MEGF6: variants seen among roughly 807,000 people sequenced by gnomAD.
MEGF6 encodes multiple epidermal growth factor-like domains protein 6.
A neutral mutation model predicts 207.1 loss-of-function variants in MEGF6; 184 were observed. That is an observed-to-expected ratio of 0.89 (90% CI 0.79 to 1.00). The LOEUF (loss-of-function observed/expected upper bound fraction) is 1.00. Among genes scored for constraint, MEGF6 ranks in the 50% least tolerant of loss-of-function variants. The probability of loss-of-function intolerance (pLI) is 0.00; values close to 1 mark genes in which losing one functional copy is unlikely to be tolerated. For synonymous variants in MEGF6, 1,038 were observed against 910.0 expected (o/e 1.14, Z -2.53); for missense variants, 2,282 against 2,202.9 (o/e 1.04, Z -0.72).
chr1:3,542,359 T>C (rs1642555842), intron 4 of MEGF6, among the ~76,000 whole-genome samples: 1 of 152,212 alleles, frequency 6.6e-6, no homozygotes, highest in Non-Finnish European at 1.5e-5. Flanking sequence ...ACCCATTTTA[T>C]AGGTGGGAAT....
At chr1:3,616,867 T>C in the MEGF6 span, among the ~76,000 whole-genome samples, 1 of 152,204 alleles carries the variant, frequency 6.6e-6, no homozygotes, top group African/African-American at 2.4e-5. Context: ...CTGGCTGGGA[T>C]GTCTTCCTTC....
chr1:3,571,920 A>G (rs187780142), intron 4 of MEGF6, among the ~76,000 whole-genome samples: 1,425 of 58,424 alleles, frequency 0.024, 30 homozygotes, highest in African/African-American at 0.085. Context: ...TGGGTCCTTC[A>G]GGGTGTACTG....
rs777293127 is a variant in MEGF6, at chr1:3,505,354, G to A, written c.2054-12C>T. 11 of 1,609,362 alleles carry A rather than the reference G, an allele frequency of 6.8e-6. No homozygotes were observed. In the African/African-American group the frequency reaches 1.3e-4, roughly 20 times the overall value. ...GCCCAGCTCACACTCTGCAGGGCGT[G>A]AGAGAGGGGTGGGTGGGGTTAACCG... On this transcript the variant is annotated splice_polypyrimidine_tract_variant and intron_variant, in intron 16 of 36. Coordinates refer to ENST00000356575, the MANE Select transcript of MEGF6 (RefSeq NM_001409.4).
intron 4 of MEGF6, among the ~76,000 whole-genome samples, chr1:3,529,228 C>A (rs1483094347): frequency 6.6e-6 from 1 of 152,206 alleles, no homozygotes; most frequent in Non-Finnish European, 1.5e-5. Flanking sequence ...GAAGCACTGG[C>A]CCCCGAGACT....
rs944932210 is a variant in MEGF6, at chr1:3,514,536, G to A, written c.853+14C>T. 1 of 1,585,844 alleles carries A rather than the reference G, an allele frequency of 6.3e-7. No homozygotes were observed. Among genetic ancestry groups the A allele is most frequent in the Non-Finnish European group, 8.5e-7 (1 of 1,169,740 alleles). On this transcript the variant is annotated intron_variant, in intron 7 of 36. Coordinates refer to ENST00000356575, the MANE Select transcript of MEGF6 (RefSeq NM_001409.4). ...TGACCCTGGGCGGGGCGGAGCAGGG[G>A]AGGGGCGTCCTACCTTCACAGGCCT...
rs775334325 is a variant in MEGF6 at position 3,494,632 on chromosome 1, C to T, written c.3981G>A (p.Thr1327=). The change falls in exon 31 of 37, where the codon ACG becomes ACA. Residue 1327 remains threonine (T), a synonymous_variant. Coordinates refer to ENST00000356575, the MANE Select transcript of MEGF6 (RefSeq NM_001409.4). ...NGSCSCGLGW[T]GRHCELACPP... ...ACTCACCCAGCTCGCAGTGCCGCCCCGTCCAGCCCAGGCCACAGGAGCAGC... is the reference window on the plus strand; with the variant it reads ...ACTCACCCAGCTCGCAGTGCCGCCCTGTCCAGCCCAGGCCACAGGAGCAGC... 15 of 1,562,764 alleles carry T rather than the reference C, an allele frequency of 9.6e-6. No homozygotes were observed. Among genetic ancestry groups the T allele is most frequent in the African/African-American group, 8.1e-5 (6 of 73,678 alleles).
the MEGF6 span, among the ~76,000 whole-genome samples, chr1:3,622,065 G>C: frequency 6.6e-6 from 1 of 152,216 alleles, no homozygotes; most frequent in East Asian, 1.9e-4. Context: ...TTGAGTTAAT[G>C]CTGAAATAAG....
chr1:3,497,336 C>A lies in MEGF6; in HGVS notation c.3378G>T (p.Glu1126Asp). 6.4e-7 allele frequency: 1 copy of A among 1,550,872 alleles called. No individual in the cohort carries two copies. The highest frequency in any genetic ancestry group is 8.7e-7 in the Non-Finnish European group (1 of 1,153,682). Reference sequence around the variant, plus strand: ...GGCAGCTGCAGCGCTGGGCACAGGCCTCTCCAAACCAGCCCCGCAGGCAGG... The same window carrying A: ...GGCAGCTGCAGCGCTGGGCACAGGCATCTCCAAACCAGCCCCGCAGGCAGG... Reference protein sequence around the residue: ...QSPCLRGWFGEACAQRCSCPP... With the variant: ...QSPCLRGWFGDACAQRCSCPP... The change falls in exon 27 of 37, where the codon GAG (glutamate) becomes GAT (aspartate). Residue 1126 changes from glutamate (E) to aspartate (D), a missense_variant. By Grantham distance (45) the Glu-to-Asp change is conservative (BLOSUM62 2). Transcript: ENST00000356575.
At chr1:3,508,903 G>A (rs939011282) in intron 12 of MEGF6, among the ~76,000 whole-genome samples, 172 bp downstream of exon 12, 1 of 152,192 alleles carries the variant, frequency 6.6e-6, no homozygotes, top group Non-Finnish European at 1.5e-5. Flanking sequence ...CAGCCCGCAC[G>A]AGCTGCGCAA....
chr1:3,521,866 G>A (rs555043968), intron 5 of MEGF6, among the ~76,000 whole-genome samples: 4 of 152,318 alleles, frequency 2.6e-5, no homozygotes, highest in Non-Finnish European at 5.9e-5. Context: ...CCAGGAAGGG[G>A]GTCTGGATGG....
At chr1:3,529,554 C>T (rs530770758) in intron 4 of MEGF6, among the ~76,000 whole-genome samples, 9 of 152,336 alleles carry the variant, frequency 5.9e-5, no homozygotes, top group South Asian at 2.1e-4. Flanking sequence ...CGGCTAGATA[C>T]GAGACTATGG....
chr1:3,508,713 G>T (rs775511793), intron 12 of MEGF6, 24 bp from the exon 13 acceptor site: 4 of 1,610,552 alleles, frequency 2.5e-6, no homozygotes, highest in Non-Finnish European at 3.4e-6. Flanking sequence ...AGGATGGGGG[G>T]ATTCAGAGCC....
At chr1:3,490,707 G>A (rs995434100) in intron 36 of MEGF6, 118 bp from the exon 37 acceptor site, 22 of 1,057,602 alleles carry the variant, frequency 2.1e-5, no homozygotes, top group Admixed American at 1.2e-4. Flanking sequence ...CAGCCCAGCA[G>A]GTGGGTGGGG....
In MEGF6 at chr1:3,611,119, C is replaced by T. The variant is rs1041365761; in HGVS notation, c.131+19G>A. The T allele has an allele frequency of 1.3e-6, 2 of 1,492,304 alleles. No homozygotes were observed. The highest frequency in any genetic ancestry group is 2.2e-5 in the Admixed American group (1 of 44,576). The allele number at this position is 1,492,304 out of a possible 1,614,324, so 92.4% of individuals were successfully genotyped here. A position where few individuals can be genotyped will look rare whatever the true frequency, so the allele number is the denominator to read the frequency against. ...GTCCCTGGACGACCGGCCGAGCCCTCCCAGCTCCTGCTACTCACATGCCGG... is the reference window on the plus strand; with the variant it reads ...GTCCCTGGACGACCGGCCGAGCCCTTCCAGCTCCTGCTACTCACATGCCGG... On this transcript the variant is annotated intron_variant, in intron 1 of 36. Transcript: ENST00000356575.
intron 11 of MEGF6, 78 bp from the exon 12 acceptor site, chr1:3,509,323 G>A: frequency 2.3e-6 from 3 of 1,310,278 alleles, no homozygotes; most frequent in East Asian, 3.0e-5. Context: ...GTAGGGCTGG[G>A]CCTAAGCCCC....
intron 4 of MEGF6, among the ~76,000 whole-genome samples, chr1:3,577,824 A>C (rs1184711146): frequency 6.6e-6 from 1 of 152,180 alleles, no homozygotes; most frequent in East Asian, 1.9e-4. Flanking sequence ...CCCACTGGGC[A>C]TGGAGCCCCC....
intron 30 of MEGF6, among the ~76,000 whole-genome samples, 164 bp from the exon 31 acceptor site, chr1:3,494,905 C>T (rs1055856068): frequency 1.1e-4 from 17 of 152,356 alleles, no homozygotes; most frequent in East Asian, 9.6e-4. Flanking sequence ...TGGCACCAGC[C>T]GCATCCTCTC....
intron 4 of MEGF6, among the ~76,000 whole-genome samples, chr1:3,542,345 T>C (rs1463045549): frequency 6.6e-6 from 1 of 151,484 alleles, no homozygotes; most frequent in African/African-American, 2.4e-5. Flanking sequence ...AATGCGAGGG[T>C]TGGACCCATT....
intron 4 of MEGF6, among the ~76,000 whole-genome samples, chr1:3,534,234 G>T (rs1642259729): frequency 6.6e-6 from 1 of 152,218 alleles, no homozygotes; most frequent in Non-Finnish European, 1.5e-5. Context: ...TAGCAAGAAA[G>T]AATAGAAGAG....
Sources: gnomAD v4.1 joint callset for allele counts (sites outside exome capture counted in the v4.1 genomes callset) on GRCh38, gnomAD v4.1.1 for gene constraint, MANE v1.5 for transcripts, NCBI Gene and HGNC (gene_info 2026-07-23, HGNC 2026-07-21) for gene names.